Variants in MUC22 observed in about 807,000 individuals in gnomAD.
MUC22 encodes the protein mucin-22.
In MUC22, 24 loss-of-function variants were observed where a neutral mutation model predicts 40.3. That is an observed-to-expected ratio of 0.60 (90% CI 0.43 to 0.84). MUC22 has a LOEUF of 0.84. Ranked by LOEUF, MUC22 falls within the 40% of genes least tolerant of loss-of-function variation. The pLI is 0.00. For synonymous variants in MUC22, 765 were observed against 844.5 expected (o/e 0.91, Z 1.63); for missense variants, 1,926 against 2,130.7 (o/e 0.90, Z 1.89).
exon 4 of MUC22, chr6:31,035,177 T>C: frequency 1.9e-6 from 1 of 524,654 alleles, no homozygotes; most frequent in Non-Finnish European, 3.3e-6. Flanking sequence ...TCAGAGACTT[T>C]GACTGGCTTG....
chr6:31,009,480 C>A (rs1324944995), upstream of MUC22, among the ~76,000 whole-genome samples: 1 of 152,188 alleles, frequency 6.6e-6, no homozygotes, highest in East Asian at 1.9e-4. Context: ...CAGTGCCACC[C>A]TAGAGGTAGC....
intron 1 of MUC22, among the ~76,000 whole-genome samples, chr6:31,021,762 G>A (rs1367138752): frequency 6.6e-6 from 1 of 152,112 alleles, no homozygotes; most frequent in Non-Finnish European, 1.5e-5. Flanking sequence ...AGACCACTCG[G>A]CTCTACCAAT....
upstream of MUC22, among the ~76,000 whole-genome samples, chr6:31,008,295 A>G (rs1042009304): frequency 1.3e-5 from 2 of 152,198 alleles, no homozygotes; most frequent in African/African-American, 4.8e-5. Context: ...TGTGTCTCAG[A>G]GTCGTTGGAT....
chr6:31,028,254 C>A, exon 2 of MUC22: 1 of 1,534,200 alleles, frequency 6.5e-7, no homozygotes, highest in Non-Finnish European at 8.7e-7. Flanking sequence ...CTACTGAAGG[C>A]TCTGGGACCA....
chr6:31,024,868 T>TGC (rs1562597955), intron 1 of MUC22, among the ~76,000 whole-genome samples: 4 of 136,878 alleles, frequency 2.9e-5, no homozygotes, highest in African/African-American at 1.1e-4. Flanking sequence ...ATTGCTGCCT[T>TGC]CTTTTTTTTT....
At chr6:31,017,221 G>A (rs929198192) in intron 1 of MUC22, among the ~76,000 whole-genome samples, 5 of 152,238 alleles carry the variant, frequency 3.3e-5, no homozygotes, top group African/African-American at 7.2e-5. Flanking sequence ...CTCCATCTGC[G>A]GCCCAGGTGC....
chr6:31,020,120 A>G (rs1175417384), intron 1 of MUC22, among the ~76,000 whole-genome samples: 3 of 152,216 alleles, frequency 2.0e-5, no homozygotes, highest in African/African-American at 4.8e-5. Context: ...GAACTCAACA[A>G]ATATCAAGCA....
rs932371185 is a variant in MUC22, at chr6:31,026,935, G to A, written c.1504G>A (p.Gly502Ser). 58 of 1,506,216 alleles carry A rather than the reference G, an allele frequency of 3.9e-5. 7 individuals are homozygous for A. The highest frequency in any genetic ancestry group is 5.0e-5 in the Non-Finnish European group (56 of 1,127,580). 93.3% of individuals were successfully genotyped at this position (1,506,216 alleles called of 1,614,324 possible). ...CTCTGAGACCACAGTCTCCACTGCA[G>A]GCTCTGAGACCACTGCAGCCTCTAC... The change falls in exon 2 of 4, where the codon GGC becomes AGC. Residue 502 changes from glycine (G) to serine (S), a missense_variant. Gly to Ser is a moderately conservative substitution (Grantham distance 56, BLOSUM62 0). This residue lies in a region of MUC22 where 1,281 missense variants were observed against 1,337.8 expected (regional missense o/e 0.96). Coordinates refer to ENST00000561890, the Ensembl canonical transcript of MUC22.
At chr6:31,007,495 A>G (rs1763593007), upstream of MUC22, among the ~76,000 whole-genome samples, 1 of 147,822 alleles carries the variant, frequency 6.8e-6, no homozygotes, top group African/African-American at 2.5e-5. This position sits in a 1 kb window ranked among gnomAD's most constrained non-coding sequence, Gnocchi z 4.0. Flanking sequence ...TGTGATGAAA[A>G]TAACTCTACT....
At chr6:31,019,396 GC>G (rs1157563643) in intron 1 of MUC22, among the ~76,000 whole-genome samples, 11 of 152,132 alleles carry the variant, frequency 7.2e-5, no homozygotes, top group Admixed American at 1.3e-4. Flanking sequence ...CCTCCTACAT[GC>G]CCGTTTTCAC....
At chr6:31,015,066 A>G (rs1764098366) in intron 1 of MUC22, among the ~76,000 whole-genome samples, 1 of 152,162 alleles carries the variant, frequency 6.6e-6, no homozygotes, top group South Asian at 2.1e-4. Flanking sequence ...GCTGGTTTGA[A>G]TAATTCCTGT....
chr6:31,030,006 C>T (rs1765930748), exon 2 of MUC22: 1 of 1,535,700 alleles, frequency 6.5e-7, no homozygotes, highest in Non-Finnish European at 8.7e-7. Context: ...CTTCTGGGGC[C>T]ACTGCAGCCT....
chr6:31,027,388 T>C (rs1197491278), exon 2 of MUC22: 1 of 1,533,826 alleles, frequency 6.5e-7, no homozygotes, highest in African/African-American at 1.4e-5. Flanking sequence ...CACCACAGGC[T>C]CTGAGACCAC....
chr6:31,021,117 T>C (rs1270709356), intron 1 of MUC22, among the ~76,000 whole-genome samples: 2 of 152,230 alleles, frequency 1.3e-5, no homozygotes, highest in East Asian at 1.9e-4. Flanking sequence ...GCGCATGGCG[T>C]AGGACTGGCA....
In MUC22 at chr6:31,027,460, GCAGTCTC is replaced by G; in HGVS notation, c.2032_2038del (p.Val678ProfsTer18). On this transcript the variant is annotated frameshift_variant, in exon 2 of 4. Transcript: ENST00000561890. LOFTEE classifies it high-confidence loss of function. The stretch of plus-strand genomic sequence containing the variant: ...CTGTACTGAAGGCTCTGAGATGACT[GCAGTCTC>G]CACCACAGTCTTTGAGACCACTACA... 6.6e-7 allele frequency: 1 copy of G among 1,525,322 alleles called. No homozygotes were observed. The allele number at this position is 1,525,322 out of a possible 1,614,324, so 94.5% of individuals were successfully genotyped here.
chr6:31,024,061 G>A (rs544841593), intron 1 of MUC22, among the ~76,000 whole-genome samples: 1 of 152,126 alleles, frequency 6.6e-6, no homozygotes, highest in Non-Finnish European at 1.5e-5. Context: ...AATAACATGA[G>A]CCTAATCATG....
intron 1 of MUC22, among the ~76,000 whole-genome samples, chr6:31,014,061 T>G (rs776091775): frequency 2.1e-4 from 32 of 152,142 alleles, no homozygotes; most frequent in Non-Finnish European, 3.8e-4. Context: ...AACTATAAAT[T>G]TTACCTCTAG....
At chr6:31,013,166 G>A (rs4713406) in intron 1 of MUC22, among the ~76,000 whole-genome samples, 1 of 133,700 alleles carries the variant, frequency 7.5e-6, no homozygotes, top group African/African-American at 2.7e-5. Flanking sequence ...TGGCTCTGTC[G>A]CCCAGGCTAG....
chr6:31,018,529 A>ATTAAG (rs1764431100), intron 1 of MUC22, among the ~76,000 whole-genome samples: 1 of 151,680 alleles, frequency 6.6e-6, no homozygotes, highest in Non-Finnish European at 1.5e-5. Flanking sequence ...AAAAACAAAA[A>ATTAAG]TATCTCCTCT....
Sources: gnomAD v4.1 joint callset for allele counts (sites outside exome capture counted in the v4.1 genomes callset) on GRCh38, gnomAD v4.1.1 for gene constraint, gnomAD v4.1.1 regional missense constraint, Gnocchi (gnomAD v3.1) non-coding constraint, MANE v1.5 for transcripts, NCBI Gene and HGNC (gene_info 2026-07-23, HGNC 2026-07-21) for gene names.